The following SMCO2 variants were observed in gnomAD, a reference collection of about 807,000 sequenced individuals.
SMCO2 encodes the protein single-pass membrane and coiled-coil domain-containing protein 2.
Under a neutral mutation model 29.5 loss-of-function variants are expected in SMCO2, and 25 were observed. The ratio of observed to expected loss-of-function variants is 0.85; its 90% confidence interval spans 0.62 to 1.18. SMCO2 has a LOEUF of 1.18. Ranked by LOEUF, SMCO2 falls within the 50% of genes most tolerant of loss-of-function variation. SMCO2 has a pLI of 0.00. For missense variants in SMCO2, 348 were observed against 344.5 expected (o/e 1.01, Z -0.08); for synonymous variants, 117 against 123.3 (o/e 0.95, Z 0.34).
At chr12:27,474,646 A>T in intron 3 of SMCO2, 140 bp from the exon 4 acceptor site, 3 of 910,252 alleles carry the variant, frequency 3.3e-6, no homozygotes, top group East Asian at 2.7e-5. Context: ...TGCTTAGCTT[A>T]CAGATGCATC....
intron 5 of SMCO2, among the ~76,000 whole-genome samples, chr12:27,490,367 G>T (rs1949725140): frequency 6.6e-6 from 1 of 152,178 alleles, no homozygotes; most frequent in East Asian, 1.9e-4. Context: ...GGAGGAAGGG[G>T]GACAGGGATT....
chr12:27,471,036 T>C (rs184582853), intron 2 of SMCO2, among the ~76,000 whole-genome samples: 5 of 152,300 alleles, frequency 3.3e-5, no homozygotes, highest in African/African-American at 1.2e-4. Context: ...TTTTATGGCT[T>C]CATTATCTTC....
chr12:27,493,545 T>A (rs920562517), intron 5 of SMCO2, among the ~76,000 whole-genome samples: 7 of 151,668 alleles, frequency 4.6e-5, no homozygotes, highest in Admixed American at 1.3e-4. Context: ...AAAAAAAAAA[T>A]TAATTTCTAT....
chr12:27,429,773 G>A, the SMCO2 span, among the ~76,000 whole-genome samples: 1 of 152,172 alleles, frequency 6.6e-6, no homozygotes, highest in African/African-American at 2.4e-5. Context: ...TGTTTAGAAT[G>A]AATTTCTTGG....
chr12:27,423,590 A>G, the SMCO2 span: 2 of 152,128 alleles, frequency 1.3e-5, no homozygotes, highest in African/African-American at 4.8e-5. Flanking sequence ...CGGCCTCCCA[A>G]AGTGCTGGGA....
At chr12:27,441,923 A>T in the SMCO2 span, among the ~76,000 whole-genome samples, 1 of 152,250 alleles carries the variant, frequency 6.6e-6, no homozygotes, top group Non-Finnish European at 1.5e-5. Flanking sequence ...CTTGGAAAAC[A>T]TACAAACATG....
At chr12:27,475,235 C>G (rs957796125) in intron 4 of SMCO2, among the ~76,000 whole-genome samples, 11 of 152,032 alleles carry the variant, frequency 7.2e-5, no homozygotes, top group Non-Finnish European at 1.0e-4. Flanking sequence ...GTTGTTAAGC[C>G]CTTGTGGCTC....
At chr12:27,426,711 A>T in the SMCO2 span, among the ~76,000 whole-genome samples, 1 of 152,220 alleles carries the variant, frequency 6.6e-6, no homozygotes, top group Non-Finnish European at 1.5e-5. Context: ...AAACAAATAT[A>T]TAAGTAGTAC....
the SMCO2 span, among the ~76,000 whole-genome samples, chr12:27,449,645 C>T: frequency 6.6e-6 from 1 of 152,222 alleles, no homozygotes; most frequent in Admixed American, 6.5e-5. Context: ...TAGTTCTCAT[C>T]TGGTCCCTTG....
intron 4 of SMCO2, among the ~76,000 whole-genome samples, chr12:27,482,306 A>G (rs1194638836): frequency 1.3e-5 from 2 of 152,030 alleles, no homozygotes; most frequent in South Asian, 2.1e-4. Flanking sequence ...TTAATGTTTT[A>G]TATTTTGAGA....
the SMCO2 span, among the ~76,000 whole-genome samples, chr12:27,438,352 A>G: frequency 5.3e-5 from 8 of 152,238 alleles, no homozygotes; most frequent in Admixed American, 1.3e-4. Flanking sequence ...ATAACTCTCA[A>G]ACCTATGATT....
the SMCO2 span, among the ~76,000 whole-genome samples, chr12:27,435,696 C>T: frequency 6.6e-6 from 1 of 152,082 alleles, no homozygotes; most frequent in Non-Finnish European, 1.5e-5. Flanking sequence ...TTATCTTTGG[C>T]TCTAGTGACT....
chr12:27,438,235 C>T, the SMCO2 span, among the ~76,000 whole-genome samples: 1 of 152,190 alleles, frequency 6.6e-6, no homozygotes, highest in African/African-American at 2.4e-5. Context: ...ACCCGCTGGC[C>T]ATTCAAATGT....
the SMCO2 span, among the ~76,000 whole-genome samples, chr12:27,443,956 GA>G: frequency 1.2e-3 from 183 of 152,238 alleles, no homozygotes; most frequent in Admixed American, 4.1e-3. Flanking sequence ...ATTCTTCACA[GA>G]AAGAGAGAAA....
the SMCO2 span, among the ~76,000 whole-genome samples, chr12:27,447,697 G>A: frequency 2.0e-5 from 3 of 147,264 alleles, no homozygotes; most frequent in Non-Finnish European, 3.0e-5. Flanking sequence ...AGTGGTGATC[G>A]CAGGCTGGGA....
At chr12:27,477,634 C>CTTTTTTTTTTTTTTT (rs3051833) in intron 4 of SMCO2, among the ~76,000 whole-genome samples, 10 of 109,658 alleles carry the variant, frequency 9.1e-5, no homozygotes, top group African/African-American at 3.0e-4. Flanking sequence ...CTTTTTCATT[C>CTTTTTTTTTTTTTTT]TTTTTTTTTT....
At chr12:27,456,521 C>A in the SMCO2 span, among the ~76,000 whole-genome samples, 2 of 151,988 alleles carry the variant, frequency 1.3e-5, no homozygotes, top group African/African-American at 4.8e-5. Context: ...TGGGCTCAAG[C>A]GATCCTCCCA....
chr12:27,473,694 T>A (rs1417291857), intron 3 of SMCO2, among the ~76,000 whole-genome samples: 1 of 152,184 alleles, frequency 6.6e-6, no homozygotes, highest in Admixed American at 6.5e-5. Context: ...TGTTAGTTAT[T>A]TCTATTGACT....
chr12:27,478,513 T>C (rs1565676874), intron 4 of SMCO2, among the ~76,000 whole-genome samples: 1 of 152,156 alleles, frequency 6.6e-6, no homozygotes, highest in Non-Finnish European at 1.5e-5. Context: ...AATCCTTGGA[T>C]TCCCAGGCAG....
Sources: allele counts gnomAD v4.1 joint callset (sites outside exome capture counted in the v4.1 genomes callset), GRCh38; gene constraint gnomAD v4.1.1; transcripts MANE v1.5; gene names NCBI Gene and HGNC (gene_info 2026-07-23, HGNC 2026-07-21).